The following H4C4 variants were observed in gnomAD, a reference collection of about 807,000 sequenced individuals.
The protein encoded by H4C4 is H4 clustered histone 4.
A neutral mutation model predicts 4.4 loss-of-function variants in H4C4; 8 were observed. That is an observed-to-expected ratio of 1.81 (90% CI 1.06 to 3.27). H4C4 has a LOEUF of 3.27. Ranked by LOEUF, H4C4 falls within the 30% of genes most tolerant of loss-of-function variation. The probability of loss-of-function intolerance (pLI) is 0.00; values close to 1 mark genes in which losing one functional copy is unlikely to be tolerated. For missense variants in H4C4, 223 were observed against 148.9 expected, an observed-to-expected ratio of 1.50 and a Z score of -2.59; for synonymous variants, 130 against 59.4, an observed-to-expected ratio of 2.19 and a Z score of -5.46.
In H4C4 at chr6:26,189,068, G is replaced by T. The variant is rs199624269; in HGVS notation, c.9C>A (p.Gly3=). The change falls in exon 1 of 1, where the codon GGC becomes GGA. Residue 3 remains glycine, a synonymous_variant. Coordinates refer to ENST00000614247, the MANE Select transcript of H4C4 (RefSeq NM_003539.4). ...CTAGACCCTTTCCGCCCTTACCGCG[G>T]CCAGACATCTTGAAACCACAGCTGT... is the stretch of plus-strand genomic sequence containing the variant. The part of the protein sequence containing the change: MS[G]RGKGGKGLGK... The T allele has an allele frequency of 7.2e-5, 114 of 1,584,462 alleles. No homozygotes were observed. Among genetic ancestry groups the T allele is most frequent in the Non-Finnish European group, 9.8e-5 (114 of 1,163,048 alleles).
Position 26,188,851 on chromosome 6 carries a change from G to T in H4C4, c.226C>A (p.His76Asn). Residue 76 changes from histidine to asparagine, a missense_variant, in exon 1 of 1, where the codon CAC becomes AAC. By Grantham distance (68) the His-to-Asn change is moderately conservative. Transcript: ENST00000614247. ...GCTGTGACTGTCTTGCGTTTGGCGTGTTCCGTGTAGGTGACAGCATCGCGG... is the reference window on the plus strand; with the variant it reads ...GCTGTGACTGTCTTGCGTTTGGCGTTTTCCGTGTAGGTGACAGCATCGCGG... ...VIRDAVTYTE[H>N]AKRKTVTAMD... The T allele has an allele frequency of 1.9e-6, 3 of 1,614,250 alleles. No individual in the cohort carries two copies. The highest frequency in any genetic ancestry group is 2.5e-6 in the Non-Finnish European group (3 of 1,180,038).
Position 26,188,981 on chromosome 6 carries a change from C to G in H4C4, c.96G>C (p.Lys32Asn). The G allele has an allele frequency of 6.2e-7, 1 of 1,614,142 alleles. No homozygotes were observed. The highest frequency in any genetic ancestry group is 2.2e-5 in the East Asian group (1 of 44,870). Residue 32 changes from lysine to asparagine, a missense_variant, in exon 1 of 1, where the codon AAG (lysine) becomes AAC (asparagine). Coordinates refer to ENST00000614247, the MANE Select transcript of H4C4 (RefSeq NM_003539.4). Reference sequence around the variant, plus strand: ...GGCGAGCCAGGCGGCGGATAGCGGGCTTGGTGATTCCTTGGATATTGTCAC... The same window carrying G: ...GGCGAGCCAGGCGGCGGATAGCGGGGTTGGTGATTCCTTGGATATTGTCAC... ...VLRDNIQGITKPAIRRLARRG... is the reference protein window; with the variant it reads ...VLRDNIQGITNPAIRRLARRG...
chr6:26,189,082 A>C lies in H4C4; in HGVS notation c.-6T>G. 3.8e-6 allele frequency: 6 copies of C among 1,577,816 alleles called. No individual in the cohort carries two copies. Among genetic ancestry groups the C allele is most frequent in the South Asian group, 1.1e-5 (1 of 87,656 alleles). ...CCCTTACCGCGGCCAGACATCTTGA[A>C]ACCACAGCTGTTAAATCTGTAACGC... On this transcript the variant is annotated 5_prime_UTR_variant, in exon 1 of 1. Coordinates refer to ENST00000614247, the MANE Select transcript of H4C4 (RefSeq NM_003539.4).
chr6:26,188,834 T>C lies in H4C4; in HGVS notation c.243A>G (p.Thr81=), dbSNP rs141704151. 3.7e-5 allele frequency: 60 copies of C among 1,614,276 alleles called. No homozygotes were observed. The highest frequency in any genetic ancestry group is 1.8e-4 in the Admixed American group (11 of 60,034). ...VTYTEHAKRK[T]VTAMDVVYAL... ...CGTACACCACGTCCATGGCTGTGAC[T>C]GTCTTGCGTTTGGCGTGTTCCGTGT... The change falls in exon 1 of 1, where the codon ACA becomes ACG. Residue 81 remains threonine (T), a synonymous_variant. Transcript: ENST00000614247.
At position 26,188,899 on chromosome 6, in the gene H4C4, TCAG is replaced by T. The variant is rs763205100; in HGVS notation, c.175_177del (p.Leu59del). 2 of 1,614,204 alleles carry T rather than the reference TCAG, an allele frequency of 1.2e-6. No individual in the cohort carries two copies. The highest frequency in any genetic ancestry group is 1.7e-6 in the Non-Finnish European group (2 of 1,180,036). On this transcript the variant is annotated inframe_deletion, in exon 1 of 1. Transcript: ENST00000614247. Reference sequence around the variant, plus strand: ...CGGATTACATTTTCCAGGAAAACTTTCAGCACTCCGCGAGTTTCCTCATAAATG... The same window carrying T: ...CGGATTACATTTTCCAGGAAAACTTTCACTCCGCGAGTTTCCTCATAAATG...
Position 26,188,963 on chromosome 6 carries a change from C to G in H4C4, c.114G>C (p.Leu38=). ...QGITKPAIRR[L]ARRGGVKRIS... ...TACGCTTGACGCCGCCGCGGCGAGC[C>G]AGGCGGCGGATAGCGGGCTTGGTGA... The change falls in exon 1 of 1, where the codon CTG becomes CTC. Residue 38 remains leucine, a synonymous_variant. Coordinates refer to ENST00000614247, the MANE Select transcript of H4C4 (RefSeq NM_003539.4). 1.9e-6 allele frequency: 3 copies of G among 1,614,182 alleles called. No homozygotes were observed. The highest frequency in any genetic ancestry group is 2.5e-6 in the Non-Finnish European group (3 of 1,180,002).
chr6:26,189,109 A>C lies in H4C4; in HGVS notation c.-33T>G, dbSNP rs1764844915. The C allele has an allele frequency of 7.1e-6, 11 of 1,538,632 alleles. No individual in the cohort carries two copies. The highest frequency in any genetic ancestry group is 9.6e-6 in the Non-Finnish European group (11 of 1,140,680). On this transcript the variant is annotated 5_prime_UTR_variant, in exon 1 of 1. Coordinates refer to ENST00000614247, the MANE Select transcript of H4C4 (RefSeq NM_003539.4). The stretch of plus-strand genomic sequence containing the variant: ...CCACAGCTGTTAAATCTGTAACGCA[A>C]TACGTCTGGCAGAGCCACGCAGCAC...
rs770403660 is a variant in H4C4 at position 26,189,007 on chromosome 6, G to A, written c.70C>T (p.Arg24Cys). ...TTGGTGATTCCTTGGATATTGTCAC[G>A]CAATACCTTACGGTGACGCTTGGCG... ...GGAKRHRKVLRDNIQGITKPA... is the reference protein window; with the variant it reads ...GGAKRHRKVLCDNIQGITKPA... Residue 24 changes from arginine to cysteine, a missense_variant, in exon 1 of 1, where the codon CGT becomes TGT. Arg to Cys is a radical substitution (Grantham distance 180). Coordinates refer to ENST00000614247, the MANE Select transcript of H4C4 (RefSeq NM_003539.4). 6 of 1,613,756 alleles carry A rather than the reference G, an allele frequency of 3.7e-6. No individual in the cohort carries two copies. The highest frequency in any genetic ancestry group is 2.7e-5 in the African/African-American group (2 of 74,874).
rs768107645 is a variant in H4C4 at position 26,188,754 on chromosome 6, T to C, written c.*11A>G. On this transcript the variant is annotated 3_prime_UTR_variant, in exon 1 of 1. Transcript: ENST00000614247. ...CCGTTGGTTTTGCGGTAGTGTACTG[T>C]AGAGGTAAGCTCAGCCGCCGAAGCC... is the stretch of plus-strand genomic sequence containing the variant. 1.4e-4 allele frequency: 223 copies of C among 1,613,778 alleles called. No individual in the cohort carries two copies. Among genetic ancestry groups the C allele is most frequent in the Non-Finnish European group, 1.9e-4 (220 of 1,179,900 alleles).
In H4C4 at chr6:26,188,951, G is replaced by T; in HGVS notation, c.126C>A (p.Gly42=). The T allele has an allele frequency of 3.1e-6, 5 of 1,614,136 alleles. No homozygotes were observed. Among genetic ancestry groups the T allele is most frequent in the Non-Finnish European group, 4.2e-6 (5 of 1,179,996 alleles). The change falls in exon 1 of 1, where the codon GGC becomes GGA. Residue 42 remains glycine, a synonymous_variant. Transcript: ENST00000614247. ...TGAGGCCAGAAATACGCTTGACGCC[G>T]CCGCGGCGAGCCAGGCGGCGGATAG... The part of the protein sequence containing the change: ...KPAIRRLARR[G]GVKRISGLIY...
Position 26,189,014 on chromosome 6 carries a change from C to G in H4C4, c.63G>C (p.Lys21Asn), listed in dbSNP as rs200441194. The change falls in exon 1 of 1, where the codon AAG becomes AAC. Residue 21 changes from lysine to asparagine, a missense_variant. Transcript: ENST00000614247. ...LGKGGAKRHR[K>N]VLRDNIQGIT... Reference sequence around the variant, plus strand: ...TTCCTTGGATATTGTCACGCAATACCTTACGGTGACGCTTGGCGCCACCCT... The same window carrying G: ...TTCCTTGGATATTGTCACGCAATACGTTACGGTGACGCTTGGCGCCACCCT... 2 of 1,612,540 alleles carry G rather than the reference C, an allele frequency of 1.2e-6. No homozygotes were observed. Among genetic ancestry groups the G allele is most frequent in the East Asian group, 2.2e-5 (1 of 44,822 alleles).
Position 26,188,841 on chromosome 6 carries a change from C to G in H4C4, c.236G>C (p.Arg79Pro). 6.2e-7 allele frequency: 1 copy of G among 1,614,254 alleles called. No homozygotes were observed. The highest frequency in any genetic ancestry group is 2.2e-5 in the East Asian group (1 of 44,884). Residue 79 changes from arginine (R) to proline (P), a missense_variant, in exon 1 of 1, where the codon CGC (arginine) becomes CCC (proline). By Grantham distance (103) the Arg-to-Pro change is moderately radical. Transcript: ENST00000614247. The part of the protein sequence containing the change: ...DAVTYTEHAK[R>P]KTVTAMDVVY... ...CACGTCCATGGCTGTGACTGTCTTGCGTTTGGCGTGTTCCGTGTAGGTGAC... is the reference window on the plus strand; with the variant it reads ...CACGTCCATGGCTGTGACTGTCTTGGGTTTGGCGTGTTCCGTGTAGGTGAC...
chr6:26,189,101 G>T lies in H4C4; in HGVS notation c.-25C>A. On this transcript the variant is annotated 5_prime_UTR_variant, in exon 1 of 1. Coordinates refer to ENST00000614247, the MANE Select transcript of H4C4 (RefSeq NM_003539.4). ...TCTTGAAACCACAGCTGTTAAATCT[G>T]TAACGCAATACGTCTGGCAGAGCCA... The T allele has an allele frequency of 6.4e-7, 1 of 1,551,206 alleles. No homozygotes were observed. Among genetic ancestry groups the T allele is most frequent in the Non-Finnish European group, 8.7e-7 (1 of 1,147,364 alleles).
chr6:26,189,103 A>G lies in H4C4; in HGVS notation c.-27T>C. ...TTGAAACCACAGCTGTTAAATCTGT[A>G]ACGCAATACGTCTGGCAGAGCCACG... On this transcript the variant is annotated 5_prime_UTR_variant, in exon 1 of 1. Transcript: ENST00000614247. 1 of 1,547,770 alleles carries G rather than the reference A, an allele frequency of 6.5e-7. No individual in the cohort carries two copies. The highest frequency in any genetic ancestry group is 8.7e-7 in the Non-Finnish European group (1 of 1,145,116).
chr6:26,189,020 G>A lies in H4C4; in HGVS notation c.57C>T (p.His19=), dbSNP rs762799179. ...GGATATTGTCACGCAATACCTTACGGTGACGCTTGGCGCCACCCTTACCTA... is the reference window on the plus strand; with the variant it reads ...GGATATTGTCACGCAATACCTTACGATGACGCTTGGCGCCACCCTTACCTA... ...KGLGKGGAKR[H]RKVLRDNIQG... Residue 19 remains histidine (H), a synonymous_variant, in exon 1 of 1, where the codon CAC becomes CAT. Transcript: ENST00000614247. The A allele has an allele frequency of 8.1e-6, 13 of 1,612,332 alleles. No homozygotes were observed. The highest frequency in any genetic ancestry group is 1.7e-5 in the Admixed American group (1 of 59,852).
In H4C4 at chr6:26,188,810, G is replaced by A. The variant is rs749381779; in HGVS notation, c.267C>T (p.Tyr89=). 6.2e-7 allele frequency: 1 copy of A among 1,614,238 alleles called. No homozygotes were observed. The highest frequency in any genetic ancestry group is 8.5e-7 in the Non-Finnish European group (1 of 1,180,038). Residue 89 remains tyrosine (Y), a synonymous_variant, in exon 1 of 1, where the codon TAC becomes TAT. Coordinates refer to ENST00000614247, the MANE Select transcript of H4C4 (RefSeq NM_003539.4). ...RKTVTAMDVV[Y]ALKRQGRTLY... is the part of the protein sequence containing the mutation. ...GAGTGCGTCCCTGGCGCTTGAGCGC[G>A]TACACCACGTCCATGGCTGTGACTG... is the stretch of plus-strand genomic sequence containing the variant.
At position 26,189,024 on chromosome 6, in the gene H4C4, C is replaced by T; in HGVS notation, c.53G>A (p.Arg18His). ...GKGLGKGGAKRHRKVLRDNIQ... is the reference protein window; with the variant it reads ...GKGLGKGGAKHHRKVLRDNIQ... Reference sequence around the variant, plus strand: ...ATTGTCACGCAATACCTTACGGTGACGCTTGGCGCCACCCTTACCTAGACC... The same window carrying T: ...ATTGTCACGCAATACCTTACGGTGATGCTTGGCGCCACCCTTACCTAGACC... The change falls in exon 1 of 1, where the codon CGT becomes CAT. Residue 18 changes from arginine to histidine, a missense_variant. Arg to His is a conservative substitution (Grantham distance 29). Coordinates refer to ENST00000614247, the MANE Select transcript of H4C4 (RefSeq NM_003539.4). 3 of 1,611,502 alleles carry T rather than the reference C, an allele frequency of 1.9e-6. No homozygotes were observed. The highest frequency in any genetic ancestry group is 2.5e-6 in the Non-Finnish European group (3 of 1,178,062).
In H4C4 at chr6:26,189,070, C is replaced by G. The variant is rs749175349; in HGVS notation, c.7G>C (p.Gly3Arg). 6 of 1,583,708 alleles carry G rather than the reference C, an allele frequency of 3.8e-6. No individual in the cohort carries two copies. Among genetic ancestry groups the G allele is most frequent in the African/African-American group, 1.4e-5 (1 of 73,562 alleles). ...AGACCCTTTCCGCCCTTACCGCGGCCAGACATCTTGAAACCACAGCTGTTA... is the reference window on the plus strand; with the variant it reads ...AGACCCTTTCCGCCCTTACCGCGGCGAGACATCTTGAAACCACAGCTGTTA... The part of the protein sequence containing the change: MS[G>R]RGKGGKGLGK... Residue 3 changes from glycine to arginine, a missense_variant, in exon 1 of 1, where the codon GGC becomes CGC. Physicochemically the swap from Gly to Arg is moderately radical, Grantham distance 125 (BLOSUM62 -2). Coordinates refer to ENST00000614247, the MANE Select transcript of H4C4 (RefSeq NM_003539.4).
Position 26,188,892 on chromosome 6 carries a change from A to G in H4C4, c.185T>C (p.Phe62Ser), listed in dbSNP as rs1004834260. The change falls in exon 1 of 1, where the codon TTC becomes TCC. Residue 62 changes from phenylalanine (F) to serine (S), a missense_variant. By Grantham distance (155) the Phe-to-Ser change is radical. Coordinates refer to ENST00000614247, the MANE Select transcript of H4C4 (RefSeq NM_003539.4). The part of the protein sequence containing the change: ...YEETRGVLKV[F>S]LENVIRDAVT... ...AGCATCGCGGATTACATTTTCCAGG[A>G]AAACTTTCAGCACTCCGCGAGTTTC... The G allele has an allele frequency of 1.2e-6, 2 of 1,614,218 alleles. No individual in the cohort carries two copies. The highest frequency in any genetic ancestry group is 2.2e-5 in the East Asian group (1 of 44,876).
Sources: gnomAD v4.1 joint callset for allele counts on GRCh38, gnomAD v4.1.1 for gene constraint, MANE v1.5 for transcripts, NCBI Gene and HGNC (gene_info 2026-07-23, HGNC 2026-07-21) for gene names.